The following MTMR12 variants were observed in gnomAD, a reference collection of about 807,000 sequenced individuals.
MTMR12 encodes myotubularin related protein 12, also known as myotubularin-related protein 12.
A neutral mutation model predicts 96.7 loss-of-function variants in MTMR12; 33 were observed. The observed-to-expected ratio is 0.34, with a 90% CI of 0.26 to 0.46. The LOEUF is 0.46. Among genes scored for constraint, MTMR12 ranks in the 20% least tolerant of loss-of-function variants. MTMR12 has a pLI of 1.00. For synonymous variants in MTMR12, 298 were observed against 327.2 expected (o/e 0.91, Z 0.96); for missense variants, 721 against 896.1 (o/e 0.80, Z 2.49).
At position 32,230,103 on chromosome 5, in the gene MTMR12, G is replaced by A; in HGVS notation, c.1919C>T (p.Ala640Val). Residue 640 changes from alanine to valine, a missense_variant, in exon 16 of 16, where the codon GCC becomes GTC. By Grantham distance (64) the Ala-to-Val change is moderately conservative. Coordinates refer to ENST00000382142, the MANE Select transcript of MTMR12 (RefSeq NM_001040446.3). ...TGGAATCCAACGTAGGTAGCGCTGG[G>A]CCCAGACTTTGATTTCGGGCCCCTC... ...HIEGPEIKVW[A>V]QRYLRWIPEA... 1 of 1,612,618 alleles carries A rather than the reference G, an allele frequency of 6.2e-7. No individual in the cohort carries two copies.
chr5:32,252,214 A>C (rs572433971), intron 8 of MTMR12, among the ~76,000 whole-genome samples: 1 of 152,208 alleles, frequency 6.6e-6, no homozygotes, highest in Non-Finnish European at 1.5e-5. Context: ...CTTGAAAAGA[A>C]GTGAAGGCAG....
At chr5:32,264,703 C>T (rs1335727100) in intron 6 of MTMR12, among the ~76,000 whole-genome samples, 1 of 152,134 alleles carries the variant, frequency 6.6e-6, no homozygotes, top group Non-Finnish European at 1.5e-5. Context: ...TCATGATCCA[C>T]CCACCTCGGC....
At chr5:32,311,577 G>A (rs1489099742) in intron 1 of MTMR12, among the ~76,000 whole-genome samples, 1 of 152,228 alleles carries the variant, frequency 6.6e-6, no homozygotes, top group Non-Finnish European at 1.5e-5. Context: ...ACTTCTGCTG[G>A]AGAGAAGGGC....
rs73752848 is a variant in MTMR12 at position 32,242,045 on chromosome 5, C to T, written c.1171+12G>A. ...AAAATGGAAATCATCCTTTGTGCTT[C>T]CTATATATTACCTAAAAGAAGAACA... On this transcript the variant is annotated intron_variant, in intron 12 of 15. Coordinates refer to ENST00000382142, the MANE Select transcript of MTMR12 (RefSeq NM_001040446.3). 679 of 1,597,318 alleles carry T rather than the reference C, an allele frequency of 4.3e-4. 1 individual carries two copies. The African/African-American group carries it at 7.9e-3, about 18-fold the overall frequency.
intron 1 of MTMR12, among the ~76,000 whole-genome samples, chr5:32,291,478 T>A (rs1561802174): frequency 6.6e-6 from 1 of 151,778 alleles, no homozygotes; most frequent in Non-Finnish European, 1.5e-5. Flanking sequence ...TGGGGAAGAG[T>A]TATATGGATG....
intron 1 of MTMR12, among the ~76,000 whole-genome samples, chr5:32,279,792 T>C (rs550461058): frequency 7.9e-5 from 12 of 152,356 alleles, no homozygotes; most frequent in African/African-American, 1.7e-4. Flanking sequence ...TAGATTCTCA[T>C]AGGGAGCGTG....
At chr5:32,239,642 C>A (rs1325157614) in intron 12 of MTMR12, among the ~76,000 whole-genome samples, 1 of 152,220 alleles carries the variant, frequency 6.6e-6, no homozygotes, top group Non-Finnish European at 1.5e-5. Flanking sequence ...CATGGCTCAG[C>A]TGCTTCTCAA....
chr5:32,294,073 G>A (rs1270011871), intron 1 of MTMR12, among the ~76,000 whole-genome samples: 5 of 151,942 alleles, frequency 3.3e-5, no homozygotes, highest in Non-Finnish European at 5.9e-5. Flanking sequence ...GCATGCTCCC[G>A]ACTGCCAGTC....
At chr5:32,285,183 C>T (rs1032411365) in intron 1 of MTMR12, among the ~76,000 whole-genome samples, 3 of 152,024 alleles carry the variant, frequency 2.0e-5, no homozygotes, top group Middle Eastern at 3.4e-3. Flanking sequence ...CATGGTGAAA[C>T]CCCGTCTCTA....
chr5:32,280,645 A>G (rs986213238), intron 1 of MTMR12, among the ~76,000 whole-genome samples: 10 of 152,150 alleles, frequency 6.6e-5, no homozygotes, highest in Admixed American at 6.5e-5. Context: ...TGTTTCTCCA[A>G]TATTTTCTCT....
rs766352002 is a variant in MTMR12, at chr5:32,274,119, T to C, written c.146A>G (p.Glu49Gly). 6.2e-7 allele frequency: 1 copy of C among 1,614,090 alleles called. No homozygotes were observed. Among genetic ancestry groups the C allele is most frequent in the Non-Finnish European group, 8.5e-7 (1 of 1,179,978 alleles). ...TGTGCTGGCTTCACAAAGCAGCTGTTCACCTGGTAGAAACCAAAACAGGTC... is the reference window on the plus strand; with the variant it reads ...TGTGCTGGCTTCACAAAGCAGCTGTCCACCTGGTAGAAACCAAAACAGGTC... Reference protein sequence around the residue: ...KEVTLHLLPGEQLLCEASTVL... With the variant: ...KEVTLHLLPGGQLLCEASTVL... Residue 49 changes from glutamate to glycine, a missense_variant, in exon 3 of 16, where the codon GAA becomes GGA. Coordinates refer to ENST00000382142, the MANE Select transcript of MTMR12 (RefSeq NM_001040446.3).
chr5:32,282,297 C>T (rs2112109891), intron 1 of MTMR12, among the ~76,000 whole-genome samples: 1 of 151,886 alleles, frequency 6.6e-6, no homozygotes, highest in East Asian at 2.0e-4. Context: ...TGGCGGGTGC[C>T]TGTAGTCCAG....
intron 1 of MTMR12, among the ~76,000 whole-genome samples, chr5:32,291,857 A>C (rs55790738): frequency 0.25 from 38,429 of 152,076 alleles, 5,575 homozygotes; most frequent in East Asian, 0.42. Context: ...CTGGTTGATT[A>C]TATTGGACCT....
At chr5:32,243,492 T>C in intron 11 of MTMR12, 29 bp downstream of exon 11, 1 of 1,530,614 alleles carries the variant, frequency 6.5e-7, no homozygotes, top group Non-Finnish European at 9.0e-7. Context: ...AATTACAAAA[T>C]TCATGAGTAA....
intron 1 of MTMR12, among the ~76,000 whole-genome samples, chr5:32,289,572 T>C (rs1037950740): frequency 6.6e-6 from 1 of 152,160 alleles, no homozygotes; most frequent in Non-Finnish European, 1.5e-5. Flanking sequence ...TGACAATGAT[T>C]CCGGGGTACC....
chr5:32,277,610 A>T (rs1011079359), intron 1 of MTMR12, among the ~76,000 whole-genome samples: 1 of 152,076 alleles, frequency 6.6e-6, no homozygotes, highest in Non-Finnish European at 1.5e-5. Flanking sequence ...AGGGCAGGAG[A>T]AACACTTTAA....
At chr5:32,307,804 A>G (rs1400404845) in intron 1 of MTMR12, among the ~76,000 whole-genome samples, 1 of 152,236 alleles carries the variant, frequency 6.6e-6, no homozygotes. Flanking sequence ...TATCCAGTTA[A>G]GCACTTTTGT....
chr5:32,232,278 T>C (rs1748027742), intron 15 of MTMR12, among the ~76,000 whole-genome samples: 1 of 152,184 alleles, frequency 6.6e-6, no homozygotes, highest in Non-Finnish European at 1.5e-5. Flanking sequence ...AACACATTGC[T>C]CCACCTGATA....
chr5:32,249,474 C>T (rs186791180), intron 8 of MTMR12, among the ~76,000 whole-genome samples: 14 of 152,286 alleles, frequency 9.2e-5, no homozygotes, highest in Admixed American at 7.2e-4. Flanking sequence ...AGACTTGTGA[C>T]ATGCAAGGCA....
Sources: allele counts gnomAD v4.1 joint callset (sites outside exome capture counted in the v4.1 genomes callset), GRCh38; gene constraint gnomAD v4.1.1; transcripts MANE v1.5; gene names NCBI Gene and HGNC (gene_info 2026-07-23, HGNC 2026-07-21).